Variants in NUDT6 observed in about 807,000 individuals in gnomAD.
NUDT6 encodes nudix hydrolase 6, also known as FAD diphosphatase NUDT6.
Under a neutral mutation model 36.8 loss-of-function variants are expected in NUDT6, and 24 were observed. The observed-to-expected ratio is 0.65, with a 90% CI of 0.47 to 0.92. The LOEUF is 0.92. NUDT6 is among the 40% of genes least tolerant of loss of function. The pLI is 0.00. For missense variants in NUDT6, 388 were observed against 392.8 expected (o/e 0.99, Z 0.10); for synonymous variants, 163 against 157.0 (o/e 1.04, Z -0.29).
chr4:122,901,878 C>A (rs1300108793), intron 3 of NUDT6, among the ~76,000 whole-genome samples: 2 of 152,136 alleles, frequency 1.3e-5, no homozygotes, highest in Non-Finnish European at 2.9e-5. Flanking sequence ...ATAAACACAA[C>A]CCTTAAAAGA....
intron 2 of NUDT6, among the ~76,000 whole-genome samples, chr4:122,916,114 C>G (rs372746927): frequency 6.4e-4 from 97 of 152,166 alleles, no homozygotes; most frequent in African/African-American, 1.7e-3. Flanking sequence ...GAGACCACCA[C>G]CAGCAGCAGC....
At chr4:122,912,487 A>T in intron 3 of NUDT6, 81 bp downstream of exon 3, 1 of 923,662 alleles carries the variant, frequency 1.1e-6, no homozygotes, top group South Asian at 1.4e-5. Flanking sequence ...CCCCTTAGGC[A>T]TATTAAAATT....
chr4:122,892,794 T>A lies in NUDT6; in HGVS notation c.*34A>T. 1 of 1,491,346 alleles carries A rather than the reference T, an allele frequency of 6.7e-7. No individual in the cohort carries two copies. The highest frequency in any genetic ancestry group is 9.1e-7 in the Non-Finnish European group (1 of 1,101,168). 92.4% of individuals were successfully genotyped at this position (1,491,346 alleles called of 1,614,324 possible). On this transcript the variant is annotated 3_prime_UTR_variant, in exon 5 of 5. Transcript: ENST00000304430. ...GTCCACTATTTCTTATGTCATTCGT[T>A]AGTCTACATGTTTCTAAACATATAA...
chr4:122,916,503 T>G (rs1164630123), intron 2 of NUDT6, among the ~76,000 whole-genome samples: 1 of 152,210 alleles, frequency 6.6e-6, no homozygotes, highest in Non-Finnish European at 1.5e-5. Flanking sequence ...ACATAATTAG[T>G]GCCAACATGT....
chr4:122,921,926 A>G (rs1363362964), intron 1 of NUDT6: 2 of 172,764 alleles, frequency 1.2e-5, no homozygotes, highest in Non-Finnish European at 2.4e-5. Flanking sequence ...AATATTAACA[A>G]ACATCTACTG....
Position 122,922,465 on chromosome 4 carries a change from C to T in NUDT6, c.108G>A (p.Val36=), listed in dbSNP as rs985633797. ...YRWASGAQGY[V]RNPPVGACDL... ...CGCACGCTCCAACTGGCGGATTCCG[C>T]ACGTAACCCTGTGCGCCCGAGGCCC... Residue 36 remains valine (V), a synonymous_variant, in exon 1 of 5, where the codon GTG becomes GTA. Coordinates refer to ENST00000304430, the MANE Select transcript of NUDT6 (RefSeq NM_007083.5). 1 of 1,612,082 alleles carries T rather than the reference C, an allele frequency of 6.2e-7. No homozygotes were observed. Among genetic ancestry groups the T allele is most frequent in the East Asian group, 2.2e-5 (1 of 44,860 alleles).
chr4:122,909,929 C>G (rs12499160), intron 3 of NUDT6, among the ~76,000 whole-genome samples: 1 of 152,098 alleles, frequency 6.6e-6, no homozygotes, highest in African/African-American at 2.4e-5. Flanking sequence ...AATGGGATGA[C>G]GCCTATTTAT....
At chr4:122,903,577 C>A (rs879625555) in intron 3 of NUDT6, among the ~76,000 whole-genome samples, 1 of 152,124 alleles carries the variant, frequency 6.6e-6, no homozygotes, top group Non-Finnish European at 1.5e-5. Context: ...CTCTCAGCTC[C>A]GAATCTGCCC....
intron 1 of NUDT6, chr4:122,920,143 C>G (rs1348768081): frequency 1.3e-5 from 2 of 152,104 alleles, no homozygotes; most frequent in African/African-American, 4.8e-5. Flanking sequence ...ACTTCTTAGT[C>G]CATAAAGACT....
intron 3 of NUDT6, chr4:122,897,989 A>G: frequency 3.8e-6 from 1 of 263,604 alleles, no homozygotes; most frequent in Non-Finnish European, 7.2e-6. Context: ...GTAATTTAAA[A>G]TATTTTGCTG....
intron 3 of NUDT6, among the ~76,000 whole-genome samples, chr4:122,907,671 G>A (rs1437857105): frequency 1.3e-5 from 2 of 151,594 alleles, no homozygotes; most frequent in South Asian, 2.1e-4. Flanking sequence ...GGTTGGTCTC[G>A]ATCTCCTGAC....
intron 2 of NUDT6, among the ~76,000 whole-genome samples, chr4:122,915,735 C>A (rs1727825978): frequency 6.6e-6 from 1 of 152,134 alleles, no homozygotes; most frequent in Admixed American, 6.6e-5. Context: ...TAACTGGGAA[C>A]TCTTAAGAGT....
chr4:122,907,159 C>G (rs1178114048), intron 3 of NUDT6, among the ~76,000 whole-genome samples: 1 of 152,128 alleles, frequency 6.6e-6, no homozygotes, highest in African/African-American at 2.4e-5. Context: ...TGAGACGAGT[C>G]TCACTCTGTC....
chr4:122,894,674 T>C (rs893432771), intron 4 of NUDT6: 1 of 152,196 alleles, frequency 6.6e-6, no homozygotes, highest in African/African-American at 2.4e-5. Context: ...TTTAAGATGG[T>C]AGCACTAGTC....
intron 1 of NUDT6, chr4:122,921,531 G>A (rs972364365): frequency 3.3e-5 from 5 of 149,562 alleles, no homozygotes; most frequent in Non-Finnish European, 5.9e-5. Context: ...AGGGGTTGGA[G>A]GCTGCAGTGA....
At chr4:122,916,214 G>A (rs996651994) in intron 2 of NUDT6, among the ~76,000 whole-genome samples, 1 of 152,018 alleles carries the variant, frequency 6.6e-6, no homozygotes, top group African/African-American at 2.4e-5. Flanking sequence ...CTGGGGATAG[G>A]GCCCAGCAAT....
chr4:122,898,572 A>G (rs1202312433), intron 3 of NUDT6, among the ~76,000 whole-genome samples: 2 of 152,168 alleles, frequency 1.3e-5, no homozygotes, highest in Non-Finnish European at 2.9e-5. Context: ...TCCTGGATGA[A>G]TGCTTCTTAA....
At chr4:122,922,618 C>T, upstream of NUDT6, 1 of 1,514,976 alleles carries the variant, frequency 6.6e-7, no homozygotes, top group East Asian at 2.3e-5. Flanking sequence ...CCCCTCCGCG[C>T]TCCAGAGCGG....
rs891839631 is a variant in NUDT6 at position 122,892,844 on chromosome 4, A to G, written c.935T>C (p.Met312Thr). 2 of 1,601,946 alleles carry G rather than the reference A, an allele frequency of 1.2e-6. No individual in the cohort carries two copies. Among genetic ancestry groups the G allele is most frequent in the Admixed American group, 1.7e-5 (1 of 58,534 alleles). Residue 312 changes from methionine to threonine, a missense_variant, in exon 5 of 5, where the codon ATG becomes ACG. By Grantham distance (81) the Met-to-Thr change is moderately conservative. Coordinates refer to ENST00000304430, the MANE Select transcript of NUDT6 (RefSeq NM_007083.5). ...HKELPENYKT[M>T]KGID Reference sequence around the variant, plus strand: ...AATGTGAATTTAATCAATTCCTTTCATAGTTTTATAATTCTCTGGCAGTTC... The same window carrying G: ...AATGTGAATTTAATCAATTCCTTTCGTAGTTTTATAATTCTCTGGCAGTTC...
Sources: allele counts gnomAD v4.1 joint callset (sites outside exome capture counted in the v4.1 genomes callset), GRCh38; gene constraint gnomAD v4.1.1; transcripts MANE v1.5; gene names NCBI Gene and HGNC (gene_info 2026-07-23, HGNC 2026-07-21).